Variants in KCNAB1 observed in about 807,000 individuals in gnomAD.
KCNAB1 encodes potassium voltage-gated channel subfamily A regulatory beta subunit 1, also known as voltage-gated potassium channel subunit beta-1.
A neutral mutation model predicts 64.6 loss-of-function variants in KCNAB1; 35 were observed. The ratio of observed to expected loss-of-function variants is 0.54; its 90% CI spans 0.41 to 0.72. The LOEUF is 0.72. Ranked by LOEUF, KCNAB1 falls within the 30% of genes least tolerant of loss-of-function variation. KCNAB1 has a pLI of 0.00. For missense variants in KCNAB1, 401 were observed against 512.9 expected, an observed-to-expected ratio of 0.78 and a Z score of 2.11; for synonymous variants, 177 against 183.8, an observed-to-expected ratio of 0.96 and a Z score of 0.30.
intron 2 of KCNAB1, among the ~76,000 whole-genome samples, chr3:156,438,025 TG>T: frequency 6.6e-6 from 1 of 152,328 alleles, no homozygotes; most frequent in East Asian, 1.9e-4. Flanking sequence ...TACCTGTGCC[TG>T]GGCCTTTCCT....
At chr3:156,331,328 A>C (rs576738368) in intron 1 of KCNAB1, among the ~76,000 whole-genome samples, 2 of 152,300 alleles carry the variant, frequency 1.3e-5, no homozygotes, top group Admixed American at 6.5e-5. Flanking sequence ...AGAATGGAAA[A>C]AATCAGGGGT....
intron 8 of KCNAB1, among the ~76,000 whole-genome samples, chr3:156,481,907 TAAGC>T (rs1714840783): frequency 6.6e-6 from 1 of 152,130 alleles, no homozygotes; most frequent in South Asian, 2.1e-4. Context: ...CAAACAAACG[TAAGC>T]TCCATTTCTA....
At chr3:156,317,138 G>A (rs1005441947) in intron 1 of KCNAB1, among the ~76,000 whole-genome samples, 5 of 152,246 alleles carry the variant, frequency 3.3e-5, no homozygotes, top group South Asian at 2.1e-4. Flanking sequence ...GAAAAGAACC[G>A]ACTTTGATCT....
At chr3:156,433,929 A>G (rs1358153042) in intron 2 of KCNAB1, among the ~76,000 whole-genome samples, 3 of 152,174 alleles carry the variant, frequency 2.0e-5, no homozygotes, top group Non-Finnish European at 2.9e-5. Context: ...GTTCTAGGAA[A>G]AAGAGACCAT....
At chr3:156,509,114 G>T (rs1717015649) in intron 8 of KCNAB1, among the ~76,000 whole-genome samples, 1 of 151,902 alleles carries the variant, frequency 6.6e-6, no homozygotes, top group African/African-American at 2.4e-5. Flanking sequence ...AGAGAGAGTA[G>T]ATATCATACT....
At chr3:156,141,992 G>T (rs1714730848) in intron 1 of KCNAB1, among the ~76,000 whole-genome samples, 1 of 152,128 alleles carries the variant, frequency 6.6e-6, no homozygotes, top group Admixed American at 6.5e-5. Flanking sequence ...GATTTCATTT[G>T]TATTTCCCTA....
At chr3:156,262,959 C>T (rs1718510959) in intron 1 of KCNAB1, among the ~76,000 whole-genome samples, 1 of 151,636 alleles carries the variant, frequency 6.6e-6, no homozygotes, top group Non-Finnish European at 1.5e-5. Flanking sequence ...TTCATATTTT[C>T]TTATATATTT....
intron 1 of KCNAB1, among the ~76,000 whole-genome samples, chr3:156,155,270 T>G (rs548977747): frequency 1.3e-5 from 2 of 152,306 alleles, no homozygotes; most frequent in South Asian, 4.1e-4. Context: ...GTGCTCACCT[T>G]GAGTTATGCA....
chr3:156,413,329 T>C (rs1358234990), intron 1 of KCNAB1, among the ~76,000 whole-genome samples: 1 of 152,222 alleles, frequency 6.6e-6, no homozygotes, highest in Non-Finnish European at 1.5e-5. Context: ...AACTCACTTA[T>C]GGAGGCAAGA....
chr3:156,428,405 T>C (rs1320672162), intron 2 of KCNAB1, among the ~76,000 whole-genome samples: 1 of 151,772 alleles, frequency 6.6e-6, no homozygotes, highest in Non-Finnish European at 1.5e-5. Flanking sequence ...ATTAACTCCT[T>C]TGAGTCTCTA....
chr3:156,436,062 C>T (rs2108251711), intron 2 of KCNAB1, among the ~76,000 whole-genome samples: 1 of 152,268 alleles, frequency 6.6e-6, no homozygotes, highest in African/African-American at 2.4e-5. Context: ...TCCTGATGCT[C>T]TCCCTACCCC....
intron 1 of KCNAB1, among the ~76,000 whole-genome samples, chr3:156,421,252 C>T (rs1374305278): frequency 1.3e-5 from 2 of 152,068 alleles, no homozygotes; most frequent in Admixed American, 6.5e-5. Context: ...GGTCAGTTGA[C>T]AAATAATGAA....
chr3:156,404,440 T>C (rs1439638750), intron 1 of KCNAB1, among the ~76,000 whole-genome samples: 1 of 152,178 alleles, frequency 6.6e-6, no homozygotes, highest in African/African-American at 2.4e-5. Flanking sequence ...AAATGATGGA[T>C]TGTCTGTGCC....
intron 1 of KCNAB1, chr3:156,291,337 T>TGG (rs1720397112): frequency 1.0e-6 from 1 of 990,726 alleles, no homozygotes; most frequent in East Asian, 1.1e-4. Context: ...CCGGAGTGGA[T>TGG]GGAGACCACC....
chr3:156,124,860 C>T (rs1713560637), intron 1 of KCNAB1, among the ~76,000 whole-genome samples: 1 of 152,106 alleles, frequency 6.6e-6, no homozygotes, highest in African/African-American at 2.4e-5. Flanking sequence ...TGGTCGTAGG[C>T]CGGGCATGGT....
intron 1 of KCNAB1, among the ~76,000 whole-genome samples, chr3:156,180,911 G>A (rs1178386384): frequency 6.6e-6 from 1 of 152,144 alleles, no homozygotes; most frequent in Non-Finnish European, 1.5e-5. Flanking sequence ...AGGTGACTGA[G>A]GAACAGAAAT....
chr3:156,339,200 T>C (rs1723933296), intron 1 of KCNAB1, among the ~76,000 whole-genome samples: 1 of 151,968 alleles, frequency 6.6e-6, no homozygotes, highest in African/African-American at 2.4e-5. Context: ...GTAGGCATGG[T>C]ATCTACATTT....
intron 1 of KCNAB1, among the ~76,000 whole-genome samples, chr3:156,346,450 C>T (rs1724486914): frequency 6.6e-6 from 1 of 152,154 alleles, no homozygotes; most frequent in Non-Finnish European, 1.5e-5. Flanking sequence ...GCAGAAGCAT[C>T]ATGTCTCCCA....
At chr3:156,348,602 A>G (rs1318063088) in intron 1 of KCNAB1, among the ~76,000 whole-genome samples, 1 of 152,212 alleles carries the variant, frequency 6.6e-6, no homozygotes, top group African/African-American at 2.4e-5. Flanking sequence ...AGATAACTGC[A>G]TGACATCCAA....
Sources: gnomAD v4.1 joint callset for allele counts (sites outside exome capture counted in the v4.1 genomes callset) on GRCh38, gnomAD v4.1.1 for gene constraint, MANE v1.5 for transcripts, NCBI Gene and HGNC (gene_info 2026-07-23, HGNC 2026-07-21) for gene names.